The following RPH3A variants were observed in gnomAD, a reference collection of about 807,000 sequenced individuals.
The protein encoded by RPH3A is rabphilin 3A, also known as rabphilin-3A.
In RPH3A, 48 loss-of-function variants were observed where a neutral mutation model predicts 102.2. The observed-to-expected ratio is 0.47, with a 90% CI of 0.37 to 0.60. The LOEUF (loss-of-function observed/expected upper bound fraction) is 0.60. Among genes scored for constraint, RPH3A ranks in the 20% least tolerant of loss-of-function variants. The probability of loss-of-function intolerance (pLI) is 0.00; values close to 1 mark genes in which losing one functional copy is unlikely to be tolerated. For synonymous variants in RPH3A, 310 were observed against 324.3 expected (o/e 0.96, Z 0.47); for missense variants, 781 against 910.1 (o/e 0.86, Z 1.83).
In RPH3A at chr12:112,879,180, C is replaced by T. The variant is rs760924524; in HGVS notation, c.1233C>T (p.Cys411=). ...LYDQDNSSLQ[C]TIIKAKGLKP... ...ACCAGGACAACAGCTCCCTGCAGTG[C>T]ACCATCATTAAGGCCAAGGTGGGTG... Residue 411 remains cysteine, a synonymous_variant, in exon 14 of 22, where the codon TGC becomes TGT. Transcript: ENST00000389385. 7.4e-6 allele frequency: 12 copies of T among 1,613,896 alleles called. No homozygotes were observed. In the East Asian group the frequency reaches 1.3e-4, roughly 18 times the overall value.
intron 1 of RPH3A, among the ~76,000 whole-genome samples, chr12:112,748,440 C>T (rs1239096667): frequency 2.0e-5 from 3 of 152,060 alleles, no homozygotes; most frequent in Non-Finnish European, 4.4e-5. Flanking sequence ...CTCAAGGGAT[C>T]CTCCTGCTTC....
chr12:112,789,778 C>G (rs1020527628), upstream of RPH3A, among the ~76,000 whole-genome samples: 2 of 149,746 alleles, frequency 1.3e-5, no homozygotes, highest in Non-Finnish European at 1.5e-5. Flanking sequence ...TGATTACCAT[C>G]ATGATGACAA....
intron 5 of RPH3A, among the ~76,000 whole-genome samples, chr12:112,854,949 C>G (rs187607941): frequency 2.9e-4 from 44 of 152,348 alleles, no homozygotes; most frequent in African/African-American, 1.0e-3. Context: ...GTTAATTGAT[C>G]GTTTCATATG....
chr12:112,820,005 T>C (rs897757682), intron 2 of RPH3A, among the ~76,000 whole-genome samples: 8 of 152,192 alleles, frequency 5.3e-5, no homozygotes, highest in African/African-American at 1.9e-4. Flanking sequence ...CTCTGGATGG[T>C]AGGAGCTGAA....
intron 1 of RPH3A, among the ~76,000 whole-genome samples, chr12:112,727,035 A>C (rs527527030): frequency 6.6e-6 from 1 of 152,030 alleles, no homozygotes; most frequent in South Asian, 2.1e-4. Flanking sequence ...ATAAATAAAC[A>C]AATAAATAAA....
At chr12:112,804,005 G>A (rs551144741) in intron 2 of RPH3A, among the ~76,000 whole-genome samples, 1 of 152,170 alleles carries the variant, frequency 6.6e-6, no homozygotes, top group African/African-American at 2.4e-5. Context: ...CTGGATACAT[G>A]CAAGTTGTTT....
intron 19 of RPH3A, among the ~76,000 whole-genome samples, chr12:112,892,369 C>T (rs1349289987): frequency 6.6e-6 from 1 of 152,160 alleles, no homozygotes; most frequent in African/African-American, 2.4e-5. Flanking sequence ...CCATAGAGAC[C>T]ACAGACCTTG....
intron 1 of RPH3A, among the ~76,000 whole-genome samples, chr12:112,766,162 G>A (rs2136069627): frequency 6.6e-6 from 1 of 152,240 alleles, no homozygotes; most frequent in East Asian, 1.9e-4. Context: ...GATTGCCTGG[G>A]TTCACATTTC....
rs149945171 is a variant in RPH3A at position 112,869,939 on chromosome 12, C to G, written c.696C>G (p.Pro232=). Residue 232 remains proline, a synonymous_variant, in exon 10 of 22, where the codon CCC becomes CCG. Transcript: ENST00000389385. ...SAPGRGNYGP[P]VRRASEARMS... ...CCGGGCGAGGAAACTATGGGCCTCCCGTGCGCAGGGCCTCCGAGGCACGAA... is the reference window on the plus strand; with the variant it reads ...CCGGGCGAGGAAACTATGGGCCTCCGGTGCGCAGGGCCTCCGAGGCACGAA... 1.9e-5 allele frequency: 30 copies of G among 1,614,022 alleles called. No individual in the cohort carries two copies. The highest frequency in any genetic ancestry group is 2.5e-5 in the Non-Finnish European group (30 of 1,180,018).
In RPH3A at chr12:112,581,137, G is replaced by A. The variant is rs561547226; in HGVS notation, c.-140+5818G>A. Among the ~76,000 whole-genome samples, 14 of 152,268 alleles carry A rather than the reference G, an allele frequency of 9.2e-5. No individual in the cohort carries two copies. The South Asian group carries it at 2.9e-3, about 32-fold the overall frequency. On this transcript the variant is annotated intron_variant, in intron 1 of 21. Transcript: ENST00000543106. Reference sequence around the variant, plus strand: ...ATGTTTAGCAGATTTGTATTAGTCTGTTCTCATGCTGCTAATAGAGACATA... The same window carrying A: ...ATGTTTAGCAGATTTGTATTAGTCTATTCTCATGCTGCTAATAGAGACATA...
intron 1 of RPH3A, among the ~76,000 whole-genome samples, chr12:112,669,738 C>G (rs1022823727): frequency 2.6e-5 from 4 of 151,080 alleles, no homozygotes; most frequent in African/African-American, 9.7e-5. Context: ...TGTTCAGCTA[C>G]TTGTTTTCTT....
At chr12:112,581,378 C>G (rs1289730784) in intron 1 of RPH3A, among the ~76,000 whole-genome samples, 1 of 152,106 alleles carries the variant, frequency 6.6e-6, no homozygotes, top group Non-Finnish European at 1.5e-5. Context: ...AGACCTGCCC[C>G]CATGATTCAA....
intron 4 of RPH3A, among the ~76,000 whole-genome samples, chr12:112,847,377 C>T (rs1432067276): frequency 6.6e-6 from 1 of 152,232 alleles, no homozygotes; most frequent in Non-Finnish European, 1.5e-5. Flanking sequence ...GGACTTCAGA[C>T]TTCCTGTCCT....
In RPH3A at chr12:112,661,079, C is replaced by T. The variant is rs149114669; in HGVS notation, c.-140+85760C>T. 3.2e-3 allele frequency among the ~76,000 whole-genome samples: 491 copies of T among 152,192 alleles called. 4 individuals carry two copies. The highest frequency in any genetic ancestry group is 0.011 in the African/African-American group (460 of 41,536). On this transcript the variant is annotated intron_variant, in intron 1 of 21. Transcript: ENST00000543106. ...AAATAGAGATAATTATAGTGCCTAC[C>T]TCAGAGGGTTCGTGTGAAGAGGCAA...
intron 1 of RPH3A, among the ~76,000 whole-genome samples, chr12:112,738,953 C>T (rs1006321978): frequency 2.0e-5 from 3 of 152,030 alleles, no homozygotes; most frequent in Non-Finnish European, 4.4e-5. Flanking sequence ...AGTAGGGTCG[C>T]AGTATGAGGT....
At chr12:112,725,771 TG>T in intron 1 of RPH3A, among the ~76,000 whole-genome samples, 1 of 45,762 alleles carries the variant, frequency 2.2e-5, no homozygotes, top group Non-Finnish European at 5.1e-5. Flanking sequence ...TAGTTTTTGT[TG>T]TTGTTGTTGT....
At chr12:112,752,853 C>G (rs2040794028) in intron 1 of RPH3A, among the ~76,000 whole-genome samples, 2 of 151,772 alleles carry the variant, frequency 1.3e-5, no homozygotes, top group Admixed American at 6.6e-5. Context: ...TCTTGAACCT[C>G]TTTCCTCATC....
chr12:112,677,303 G>A (rs945367058), intron 1 of RPH3A, among the ~76,000 whole-genome samples: 4 of 150,698 alleles, frequency 2.7e-5, no homozygotes, highest in Non-Finnish European at 4.4e-5. Context: ...TTGAGCTTTC[G>A]CAGCACATAG....
chr12:112,719,168 A>G (rs978142322), intron 1 of RPH3A, among the ~76,000 whole-genome samples: 8 of 152,216 alleles, frequency 5.3e-5, no homozygotes, highest in Non-Finnish European at 8.8e-5. Flanking sequence ...TATCATCTTC[A>G]TATGCCAATA....
Sources: allele counts gnomAD v4.1 joint callset (sites outside exome capture counted in the v4.1 genomes callset), GRCh38; gene constraint gnomAD v4.1.1; transcripts MANE v1.5; gene names NCBI Gene and HGNC (gene_info 2026-07-23, HGNC 2026-07-21).